Variants in PTPRT observed in about 807,000 individuals in gnomAD.
PTPRT encodes the protein receptor-type tyrosine-protein phosphatase T.
PTPRT carries 56 observed loss-of-function variants against 176.8 expected under a neutral mutation model. The observed-to-expected ratio is 0.32, with a 90% CI of 0.26 to 0.40. The LOEUF (loss-of-function observed/expected upper bound fraction) is 0.40. Among genes scored for constraint, PTPRT ranks in the 10% least tolerant of loss-of-function variants. The pLI is 1.00. For missense variants in PTPRT, 1,540 were observed against 1,908.2 expected (o/e 0.81, Z 3.60); for synonymous variants, 783 against 739.0 (o/e 1.06, Z -0.96).
intron 1 of PTPRT, among the ~76,000 whole-genome samples, chr20:43,042,005 T>G (rs1986627306): frequency 6.6e-6 from 1 of 152,236 alleles, no homozygotes; most frequent in Non-Finnish European, 1.5e-5. Flanking sequence ...GTTCTAGGAC[T>G]GACATGTACC....
At position 42,118,569 on chromosome 20, in the gene PTPRT, C is replaced by T. The variant is rs78600393; in HGVS notation, c.2885-69G>A. ...AGCAGCAGCTGAGAAGGTTTGTCCCCCCGGTTGGTCAAGTCTCCACACTGG... is the reference window on the plus strand; with the variant it reads ...AGCAGCAGCTGAGAAGGTTTGTCCCTCCGGTTGGTCAAGTCTCCACACTGG... On this transcript the variant is annotated intron_variant, in intron 20 of 30. Coordinates refer to ENST00000373187, the MANE Select transcript of PTPRT (RefSeq NM_007050.6). 10,242 of 1,412,270 alleles carry T rather than the reference C, an allele frequency of 7.3e-3. 556 individuals carry two copies. In the African/African-American group the frequency reaches 0.12, roughly 17 times the overall value. 87.5% of individuals were successfully genotyped at this position (1,412,270 alleles called of 1,614,324 possible). A position where few individuals can be genotyped will look rare whatever the true frequency, so the allele number is the denominator to read the frequency against.
chr20:42,500,606 G>A lies in PTPRT; in HGVS notation c.1154-28044C>T, dbSNP rs74854078. ...TTAAAAAAATTCTCTGCCCTTACTG[G>A]CTGTCTTTAACACCAAGTGAAATAG... is the stretch of plus-strand genomic sequence containing the variant. On this transcript the variant is annotated intron_variant, in intron 7 of 30. Transcript: ENST00000373187. Among the ~76,000 whole-genome samples the A allele has an allele frequency of 1.7e-3, 251 of 151,930 alleles. 1 individual carries two copies. The highest frequency in any genetic ancestry group is 0.01 in the Middle Eastern group (3 of 294).
At chr20:43,026,520 A>T (rs1014529079) in intron 1 of PTPRT, among the ~76,000 whole-genome samples, 1 of 152,218 alleles carries the variant, frequency 6.6e-6, no homozygotes, top group African/African-American at 2.4e-5. Flanking sequence ...AATGCATAAC[A>T]ATGATAATAA....
chr20:42,516,312 T>A (rs2072066723), intron 7 of PTPRT, among the ~76,000 whole-genome samples: 1 of 151,980 alleles, frequency 6.6e-6, no homozygotes, highest in Non-Finnish European at 1.5e-5. Flanking sequence ...GAGAACCATC[T>A]TAACCAGTGA....
rs148697941 is a variant in PTPRT at position 42,683,724 on chromosome 20, T to C, written c.860-5565A>G. On this transcript the variant is annotated intron_variant, in intron 6 of 30. Coordinates refer to ENST00000373187, the MANE Select transcript of PTPRT (RefSeq NM_007050.6). ...CGATTTATGCGCAACACTGTTTTCA[T>C]ACAATAATGGACTGAGGATCAAAAA... Among the ~76,000 whole-genome samples the C allele has an allele frequency of 1.6e-3, 246 of 152,350 alleles. 3 individuals carry two copies. The highest frequency in any genetic ancestry group is 0.014 in the Admixed American group (218 of 15,302).
chr20:42,358,233 G>GT (rs2058384902), intron 9 of PTPRT, among the ~76,000 whole-genome samples: 1 of 148,704 alleles, frequency 6.7e-6, no homozygotes, highest in South Asian at 2.1e-4. Flanking sequence ...TTTTTTTACA[G>GT]TTTCTCTGTA....
intron 1 of PTPRT, among the ~76,000 whole-genome samples, chr20:43,103,616 C>T (rs1317186604): frequency 2.6e-5 from 4 of 152,072 alleles, no homozygotes; most frequent in Non-Finnish European, 5.9e-5. Flanking sequence ...CAATATCACC[C>T]CCAAGGGGGC....
intron 7 of PTPRT, chr20:42,607,576 C>T (rs1343199274): frequency 6.6e-6 from 1 of 152,504 alleles, no homozygotes; most frequent in Non-Finnish European, 1.5e-5. Context: ...GATTCCTTAT[C>T]ACTCATCAGT....
chr20:42,190,715 T>A (rs1990970582), intron 16 of PTPRT, among the ~76,000 whole-genome samples: 1 of 152,218 alleles, frequency 6.6e-6, no homozygotes, highest in East Asian at 1.9e-4. Context: ...CTGATGCTGC[T>A]GTTCTGGAGA....
intron 2 of PTPRT, among the ~76,000 whole-genome samples, chr20:42,856,174 T>C (rs992967300): frequency 6.6e-6 from 1 of 152,092 alleles, no homozygotes; most frequent in Non-Finnish European, 1.5e-5. Context: ...TAGAGACAGA[T>C]TAGAGACAAA....
At chr20:42,987,654 C>T (rs1461109361) in intron 1 of PTPRT, among the ~76,000 whole-genome samples, 2 of 151,870 alleles carry the variant, frequency 1.3e-5, no homozygotes, top group Non-Finnish European at 2.9e-5. Flanking sequence ...CCCTCCCCCA[C>T]AGTTTCCTCG....
chr20:42,189,648 T>A (rs1990919199), intron 16 of PTPRT, among the ~76,000 whole-genome samples: 2 of 152,314 alleles, frequency 1.3e-5, no homozygotes, highest in South Asian at 2.1e-4. Flanking sequence ...CATTGTTGAC[T>A]GTACTTCATT....
chr20:42,127,338 T>C (rs1284262718), intron 19 of PTPRT, among the ~76,000 whole-genome samples: 3 of 151,976 alleles, frequency 2.0e-5, no homozygotes, highest in South Asian at 4.2e-4. Context: ...GGGAGTGAGA[T>C]GGAGAATACA....
chr20:42,665,899 C>T (rs1172322554), intron 7 of PTPRT, among the ~76,000 whole-genome samples: 3 of 140,532 alleles, frequency 2.1e-5, no homozygotes, highest in Non-Finnish European at 1.5e-5. Context: ...ACAATGAGAA[C>T]ACATGGACAC....
chr20:42,932,160 C>A (rs1460173501), intron 1 of PTPRT, among the ~76,000 whole-genome samples: 2 of 152,220 alleles, frequency 1.3e-5, no homozygotes, highest in Non-Finnish European at 2.9e-5. Context: ...CTGGGGCACA[C>A]AGAAGGCAGG....
At chr20:42,591,639 A>C (rs1053558515) in intron 7 of PTPRT, among the ~76,000 whole-genome samples, 4 of 152,196 alleles carry the variant, frequency 2.6e-5, no homozygotes, top group Admixed American at 6.5e-5. Context: ...TCAAGGTAAT[A>C]CATTGACGCA....
intron 6 of PTPRT, among the ~76,000 whole-genome samples, chr20:42,712,858 GA>G (rs1376056412): frequency 2.0e-5 from 3 of 152,088 alleles, no homozygotes; most frequent in Non-Finnish European, 1.5e-5. Context: ...TTTGTAACAG[GA>G]AAAAACTGAA....
intron 7 of PTPRT, among the ~76,000 whole-genome samples, chr20:42,477,425 G>A (rs2074526666): frequency 6.6e-6 from 1 of 152,042 alleles, no homozygotes; most frequent in Non-Finnish European, 1.5e-5. Context: ...AGAATATCCT[G>A]AAATCCTATT....
intron 3 of PTPRT, among the ~76,000 whole-genome samples, chr20:42,783,457 G>C (rs2077243810): frequency 6.6e-6 from 1 of 151,926 alleles, no homozygotes; most frequent in Non-Finnish European, 1.5e-5. Context: ...AAGTAAAAAT[G>C]GTAATAATCT....
Sources: gnomAD v4.1 joint callset for allele counts (sites outside exome capture counted in the v4.1 genomes callset) on GRCh38, gnomAD v4.1.1 for gene constraint, MANE v1.5 for transcripts, NCBI Gene and HGNC (gene_info 2026-07-23, HGNC 2026-07-21) for gene names.